SEPTIN9: variants seen among roughly 807,000 people sequenced by gnomAD.
SEPTIN9 encodes septin 9.
In SEPTIN9, 13 loss-of-function variants were observed where a neutral mutation model predicts 56.6. That is an observed-to-expected ratio of 0.23 (90% CI 0.15 to 0.37). The LOEUF (loss-of-function observed/expected upper bound fraction) is 0.37. SEPTIN9 is among the 10% of genes least tolerant of loss of function. The pLI is 1.00. For missense variants in SEPTIN9, 650 were observed against 823.1 expected, an observed-to-expected ratio of 0.79 and a Z score of 2.57; for synonymous variants, 332 against 334.1, an observed-to-expected ratio of 0.99 and a Z score of 0.07.
chr17:77,407,188 T>G (rs1598324667), intron 3 of SEPTIN9, among the ~76,000 whole-genome samples: 2 of 139,886 alleles, frequency 1.4e-5, no homozygotes, highest in Admixed American at 1.6e-4. Context: ...GAGGTTGAGG[T>G]GGGAGGACCA....
At chr17:77,397,877 C>G in intron 2 of SEPTIN9, among the ~76,000 whole-genome samples, 1 of 152,194 alleles carries the variant, frequency 6.6e-6, no homozygotes, top group South Asian at 2.1e-4. Flanking sequence ...TTTCGAACTC[C>G]TGACCTCAGG....
intron 3 of SEPTIN9, among the ~76,000 whole-genome samples, chr17:77,471,363 C>T (rs1002677975): frequency 3.3e-5 from 5 of 152,356 alleles, no homozygotes; most frequent in East Asian, 1.9e-4. Context: ...CCCCAGGGCC[C>T]GAGCTGATCT....
chr17:77,289,863 A>G (rs2031459580), intron 1 of SEPTIN9, among the ~76,000 whole-genome samples: 1 of 152,206 alleles, frequency 6.6e-6, no homozygotes, highest in Non-Finnish European at 1.5e-5. Flanking sequence ...TTCAACAATC[A>G]TTGGCTGTAG....
chr17:77,389,112 A>G lies in SEPTIN9; in HGVS notation c.77-12947A>G, dbSNP rs115033391. Among the ~76,000 whole-genome samples, 1,408 of 152,198 alleles carry G rather than the reference A, an allele frequency of 9.3e-3. 17 individuals carry two copies. The highest frequency in any genetic ancestry group is 0.031 in the African/African-American group (1,296 of 41,544). On this transcript the variant is annotated intron_variant, in intron 2 of 11. Transcript: ENST00000427177. The surrounding 1 kb of genome is among the most constrained non-coding windows in gnomAD (Gnocchi z 4.3). ...GTCCTGGTCCCCGGCAGAGCTTCCC[A>G]TCCATGGGAAGAAGCACCGAGCAGC...
chr17:77,320,854 G>A (rs1818712142), intron 2 of SEPTIN9, among the ~76,000 whole-genome samples: 1 of 152,232 alleles, frequency 6.6e-6, no homozygotes, highest in Non-Finnish European at 1.5e-5. Context: ...AGCTCCCGGC[G>A]CTCAGAGGAG....
chr17:77,479,753 G>A (rs2039373633), intron 3 of SEPTIN9, among the ~76,000 whole-genome samples: 1 of 151,662 alleles, frequency 6.6e-6, no homozygotes, highest in African/African-American at 2.4e-5. Flanking sequence ...CCCAGGTCCT[G>A]CTGGGGAGGG....
chr17:77,473,997 C>T (rs1041787985), intron 3 of SEPTIN9, among the ~76,000 whole-genome samples: 4 of 152,212 alleles, frequency 2.6e-5, no homozygotes, highest in Non-Finnish European at 5.9e-5. Context: ...CCAGCCCTGT[C>T]GCCTTACCAT....
chr17:77,395,543 AAG>A (rs2035681304), intron 2 of SEPTIN9, among the ~76,000 whole-genome samples: 1 of 149,830 alleles, frequency 6.7e-6, no homozygotes, highest in Non-Finnish European at 1.5e-5. Context: ...AAAAAAAAAA[AAG>A]AACAATATCG....
intron 3 of SEPTIN9, among the ~76,000 whole-genome samples, chr17:77,460,543 C>T (rs2038421939): frequency 6.6e-6 from 1 of 152,124 alleles, no homozygotes; most frequent in South Asian, 2.1e-4. Context: ...GCTGGCGTGG[C>T]TGGGGTTTGG....
intron 1 of SEPTIN9, among the ~76,000 whole-genome samples, chr17:77,289,407 C>CTTTTTTT (rs572213399): frequency 9.8e-6 from 1 of 102,536 alleles, no homozygotes; most frequent in African/African-American, 3.9e-5. Context: ...TGCATTTATG[C>CTTTTTTT]TTTTTTTTTT....
At position 77,489,814 on chromosome 17, in the gene SEPTIN9, C is replaced by A. The variant is rs551170966; in HGVS notation, c.1263-928C>A. Among the ~76,000 whole-genome samples, 6 of 152,244 alleles carry A rather than the reference C, an allele frequency of 3.9e-5. No individual in the cohort carries two copies. The South Asian group carries it at 1.2e-3, about 32-fold the overall frequency. ...GCCAGCAGGAGTCAGGGGCAGGGGG[C>A]CAGCCCGCTGTCCATGGGCCTCTCC... On this transcript the variant is annotated intron_variant, in intron 7 of 11. Transcript: ENST00000427177.
At chr17:77,346,293 T>A (rs1194251565) in intron 2 of SEPTIN9, among the ~76,000 whole-genome samples, 3 of 144,502 alleles carry the variant, frequency 2.1e-5, no homozygotes. Context: ...TTTTTTTTTT[T>A]TTTTTTTTTT....
chr17:77,368,426 C>T (rs989789282), intron 2 of SEPTIN9, among the ~76,000 whole-genome samples: 8 of 152,062 alleles, frequency 5.3e-5, no homozygotes, highest in Admixed American at 4.6e-4. Flanking sequence ...ATTCTCGTGC[C>T]TCAGCCTCCC....
intron 2 of SEPTIN9, among the ~76,000 whole-genome samples, chr17:77,341,649 C>T (rs1023457075): frequency 6.6e-6 from 1 of 151,930 alleles, no homozygotes; most frequent in Non-Finnish European, 1.5e-5. Context: ...GTGGCGGGTG[C>T]CTGTAGTCCC....
intron 2 of SEPTIN9, among the ~76,000 whole-genome samples, chr17:77,384,842 A>AACACACACACACACACAC (rs146495461): frequency 5.1e-4 from 73 of 142,254 alleles, no homozygotes; most frequent in Admixed American, 1.3e-3. Flanking sequence ...AACCTGTTTA[A>AACACACACACACACACAC]ACACACACAC....
At chr17:77,463,929 T>A (rs1472770265) in intron 3 of SEPTIN9, among the ~76,000 whole-genome samples, 1 of 152,214 alleles carries the variant, frequency 6.6e-6, no homozygotes, top group South Asian at 2.1e-4. Context: ...ACAGCATTCC[T>A]ACAAGTGATG....
At position 77,499,398 on chromosome 17, in the gene SEPTIN9, CG is replaced by C. The variant is rs1568129300; in HGVS notation, c.*743del. On this transcript the variant is annotated 3_prime_UTR_variant, in exon 12 of 12. Coordinates refer to ENST00000427177, the MANE Select transcript of SEPTIN9 (RefSeq NM_001113491.2). ...CCTCTCACGCCACCCCCGCCCCCAC[CG>C]GGCTGCAGGTGCTGCTGATGCGCTG... 1 of 545,164 alleles carries C rather than the reference CG, an allele frequency of 1.8e-6. No individual in the cohort carries two copies. Among genetic ancestry groups the C allele is most frequent in the Admixed American group, 2.2e-5 (1 of 45,804 alleles). The allele number at this position is 545,164 out of a possible 1,614,324, so 33.8% of individuals were successfully genotyped here. A position where few individuals can be genotyped will look rare whatever the true frequency, so the allele number is the denominator to read the frequency against.
At chr17:77,446,363 C>T (rs1047726885) in intron 3 of SEPTIN9, 4 of 160,710 alleles carry the variant, frequency 2.5e-5, no homozygotes, top group Non-Finnish European at 5.9e-5. Flanking sequence ...CCTCTGCCTT[C>T]CTCTTTTTTT....
chr17:77,353,703 T>C (rs2034131635), intron 2 of SEPTIN9, among the ~76,000 whole-genome samples: 1 of 152,144 alleles, frequency 6.6e-6, no homozygotes, highest in Non-Finnish European at 1.5e-5. Flanking sequence ...GCAGGCTCCA[T>C]TCTTTTTGGT....
Sources: allele counts gnomAD v4.1 joint callset (sites outside exome capture counted in the v4.1 genomes callset), GRCh38; gene constraint gnomAD v4.1.1; non-coding constraint Gnocchi (gnomAD v3.1); transcripts MANE v1.5; gene names NCBI Gene and HGNC (gene_info 2026-07-23, HGNC 2026-07-21).